The following PKN2 variants were observed in gnomAD, a reference collection of about 807,000 sequenced individuals.
PKN2 encodes the protein protein kinase N2, also known as serine/threonine-protein kinase N2.
A neutral mutation model predicts 119.1 loss-of-function variants in PKN2; 38 were observed. The observed-to-expected ratio is 0.32, with a 90% CI of 0.25 to 0.42. PKN2 has a LOEUF of 0.42. Among genes scored for constraint, PKN2 ranks in the 10% least tolerant of loss-of-function variants. The probability of loss-of-function intolerance (pLI) is 1.00; values close to 1 mark genes in which losing one functional copy is unlikely to be tolerated. For missense variants in PKN2, 850 were observed against 1,165.1 expected, an observed-to-expected ratio of 0.73 and a Z score of 3.94; for synonymous variants, 390 against 384.9, an observed-to-expected ratio of 1.01 and a Z score of -0.15.
intron 1 of PKN2, among the ~76,000 whole-genome samples, chr1:88,693,577 T>A (rs1348035002): frequency 6.6e-6 from 1 of 152,118 alleles, no homozygotes; most frequent in African/African-American, 2.4e-5. Flanking sequence ...CCAGAAGTGG[T>A]GATGCACACC....
intron 6 of PKN2, among the ~76,000 whole-genome samples, chr1:88,778,406 C>G (rs1670191584): frequency 6.6e-6 from 1 of 152,254 alleles, no homozygotes; most frequent in Admixed American, 6.5e-5. Flanking sequence ...CTTTACAACT[C>G]TGCATTTGCT....
chr1:88,745,506 T>A (rs1357043132), intron 2 of PKN2, among the ~76,000 whole-genome samples: 2 of 151,984 alleles, frequency 1.3e-5, no homozygotes, highest in Non-Finnish European at 2.9e-5. Flanking sequence ...GAAAACAATC[T>A]CATTAATAGC....
intron 7 of PKN2, among the ~76,000 whole-genome samples, 185 bp from the exon 8 acceptor site, chr1:88,785,919 G>C (rs1322189318): frequency 6.6e-6 from 1 of 152,184 alleles, no homozygotes; most frequent in Non-Finnish European, 1.5e-5. Flanking sequence ...AACAATTTGG[G>C]AGTGTCTAGT....
chr1:88,801,549 A>G (rs1310377859), intron 8 of PKN2, among the ~76,000 whole-genome samples: 5 of 152,220 alleles, frequency 3.3e-5, no homozygotes, highest in African/African-American at 1.2e-4. Context: ...ATTGAACACA[A>G]GTGGTGGAGT....
chr1:88,781,025 A>C, intron 6 of PKN2: 1 of 941,938 alleles, frequency 1.1e-6, no homozygotes, highest in Non-Finnish European at 1.3e-6. Flanking sequence ...GAAGTATCTT[A>C]CAATTCTTAA....
intron 1 of PKN2, among the ~76,000 whole-genome samples, chr1:88,692,356 A>G (rs1325149016): frequency 1.3e-5 from 2 of 152,188 alleles, no homozygotes; most frequent in Non-Finnish European, 2.9e-5. Flanking sequence ...CCTACTGTGC[A>G]TGTGCCACAG....
At chr1:88,789,866 T>G (rs1294199503) in intron 8 of PKN2, among the ~76,000 whole-genome samples, 1 of 152,122 alleles carries the variant, frequency 6.6e-6, no homozygotes, top group Non-Finnish European at 1.5e-5. Flanking sequence ...ATCTAGTGTT[T>G]ATTATAACTA....
intron 12 of PKN2, among the ~76,000 whole-genome samples, chr1:88,806,695 A>G (rs550102918): frequency 1.3e-5 from 2 of 152,168 alleles, no homozygotes; most frequent in South Asian, 2.1e-4. Flanking sequence ...AACATACATA[A>G]TAATGTGTTA....
chr1:88,743,636 G>A (rs1282194667), intron 2 of PKN2, among the ~76,000 whole-genome samples: 1 of 152,146 alleles, frequency 6.6e-6, no homozygotes, highest in East Asian at 1.9e-4. Context: ...CCTCCTTGAA[G>A]GGAGGGACAT....
At chr1:88,780,656 C>T (rs1239671597) in intron 6 of PKN2, among the ~76,000 whole-genome samples, 1 of 152,152 alleles carries the variant, frequency 6.6e-6, no homozygotes, top group African/African-American at 2.4e-5. Context: ...ATATTTGATA[C>T]ATTCAACAAG....
At chr1:88,738,686 G>A (rs1210448048) in intron 1 of PKN2, among the ~76,000 whole-genome samples, 2 of 152,200 alleles carry the variant, frequency 1.3e-5, no homozygotes, top group Non-Finnish European at 2.9e-5. Context: ...GCAGACCTCT[G>A]GCTTTGGACA....
chr1:88,708,723 C>G (rs561612466), intron 1 of PKN2, among the ~76,000 whole-genome samples: 1 of 150,778 alleles, frequency 6.6e-6, no homozygotes, highest in African/African-American at 2.4e-5. Context: ...CGGCCTCCCA[C>G]AGTGCTGGCA....
At chr1:88,829,692 A>T (rs79666090) in intron 19 of PKN2, among the ~76,000 whole-genome samples, 1 of 152,198 alleles carries the variant, frequency 6.6e-6, no homozygotes. Flanking sequence ...ATTGAAGATT[A>T]CTTGAAGGGA....
In PKN2 at chr1:88,807,393, T is replaced by C. The variant is rs200217727; in HGVS notation, c.1884T>C (p.Thr628=). Residue 628 remains threonine, a synonymous_variant, in exon 13 of 22, where the codon ACT becomes ACC. Coordinates refer to ENST00000370521, the MANE Select transcript of PKN2 (RefSeq NM_006256.4). Reference sequence around the variant, plus strand: ...CTCAATCTGAATACAAGCCTGATACTCCTCAGTCAGGCCTAGAATATAGTG... The same window carrying C: ...CTCAATCTGAATACAAGCCTGATACCCCTCAGTCAGGCCTAGAATATAGTG... ...PKSQSEYKPD[T]PQSGLEYSGI... The C allele has an allele frequency of 9.3e-6, 15 of 1,605,066 alleles. No individual in the cohort carries two copies. The African/African-American group carries it at 1.9e-4, about 20-fold the overall frequency.
intron 1 of PKN2, among the ~76,000 whole-genome samples, chr1:88,732,615 T>C (rs1668183714): frequency 6.6e-6 from 1 of 152,166 alleles, no homozygotes; most frequent in African/African-American, 2.4e-5. Context: ...ATACAGTGCA[T>C]TGAACATATT....
intron 1 of PKN2, among the ~76,000 whole-genome samples, chr1:88,693,021 C>T (rs776861104): frequency 5.7e-4 from 87 of 152,258 alleles, no homozygotes; most frequent in Middle Eastern, 3.4e-3. Context: ...TGTATTGCTT[C>T]ACACATGCTA....
chr1:88,822,442 T>G (rs950087633), intron 17 of PKN2, among the ~76,000 whole-genome samples: 2 of 152,180 alleles, frequency 1.3e-5, no homozygotes, highest in Non-Finnish European at 2.9e-5. Flanking sequence ...GTATTGGTGA[T>G]GTAGCTGATC....
At chr1:88,814,074 T>C (rs1671887512) in intron 16 of PKN2, among the ~76,000 whole-genome samples, 1 of 151,736 alleles carries the variant, frequency 6.6e-6, no homozygotes, top group South Asian at 2.1e-4. Flanking sequence ...AAATGCACTG[T>C]TAAGTTTTTG....
chr1:88,810,976 T>C (rs1570667197), intron 15 of PKN2, among the ~76,000 whole-genome samples: 1 of 152,250 alleles, frequency 6.6e-6, no homozygotes, highest in East Asian at 1.9e-4. Context: ...TATATTATTT[T>C]ACTTTGAAAT....
Sources: gnomAD v4.1 joint callset for allele counts (sites outside exome capture counted in the v4.1 genomes callset) on GRCh38, gnomAD v4.1.1 for gene constraint, MANE v1.5 for transcripts, NCBI Gene and HGNC (gene_info 2026-07-23, HGNC 2026-07-21) for gene names.